SGCD: variants seen among roughly 807,000 people sequenced by gnomAD.
SGCD encodes the protein sarcoglycan delta.
Under a neutral mutation model 36.6 loss-of-function variants are expected in SGCD, and 18 were observed. That is an observed-to-expected ratio of 0.49 (90% CI 0.34 to 0.73). The LOEUF (loss-of-function observed/expected upper bound fraction) is 0.73. SGCD is among the 30% of genes least tolerant of loss of function. The pLI is 0.01. For synonymous variants in SGCD, 133 were observed against 130.6 expected (o/e 1.02, Z -0.12); for missense variants, 387 against 346.7 (o/e 1.12, Z -0.92).
chr5:156,589,276 A>G lies in SGCD; in HGVS notation c.340A>G (p.Ile114Val), dbSNP rs760206240. 3.8e-6 allele frequency: 6 copies of G among 1,575,400 alleles called. No individual in the cohort carries two copies. Among genetic ancestry groups the G allele is most frequent in the East Asian group, 2.3e-5 (1 of 43,806 alleles). ...FKSARNVTVNILNDQTKVLTQ... is the reference protein window; with the variant it reads ...FKSARNVTVNVLNDQTKVLTQ... ...GTCTGCCAGAAATGTTACAGTGAAC[A>G]TTCTCAATGACCAGACTAAAGTGCT... The change falls in exon 5 of 9, where the codon ATT (isoleucine) becomes GTT (valine). Residue 114 changes from isoleucine (I) to valine (V), a missense_variant. Ile to Val is a conservative substitution (Grantham distance 29). Transcript: ENST00000337851.
chr5:155,774,175 T>G, the SGCD span, among the ~76,000 whole-genome samples: 1 of 152,126 alleles, frequency 6.6e-6, no homozygotes. Flanking sequence ...AAATCTTGGG[T>G]CACTTCAGGA....
intron 1 of SGCD, among the ~76,000 whole-genome samples, chr5:155,967,713 G>A (rs1318781257): frequency 6.6e-6 from 1 of 151,952 alleles, no homozygotes; most frequent in Non-Finnish European, 1.5e-5. Context: ...TGTGGAAAAC[G>A]TTCAGTAATG....
At chr5:156,375,048 A>C (rs75722607) in intron 3 of SGCD, among the ~76,000 whole-genome samples, 5,257 of 152,186 alleles carry the variant, frequency 0.035, 238 homozygotes, top group African/African-American at 0.097. Context: ...AAGAGTAGTA[A>C]AAGAAACTTT....
chr5:156,572,369 T>C (rs76981507), intron 4 of SGCD, among the ~76,000 whole-genome samples: 1,706 of 152,320 alleles, frequency 0.011, 13 homozygotes, highest in Non-Finnish European at 0.018. Flanking sequence ...CCACCAGCAG[T>C]GTATGAGGGT....
chr5:156,032,094 G>A (rs963446447), intron 1 of SGCD, among the ~76,000 whole-genome samples: 13 of 151,686 alleles, frequency 8.6e-5, no homozygotes, highest in African/African-American at 1.9e-4. Flanking sequence ...ATATGAACAC[G>A]TGTATAGATC....
intron 7 of SGCD, among the ~76,000 whole-genome samples, chr5:156,679,390 A>G (rs1247485528): frequency 6.6e-6 from 1 of 152,214 alleles, no homozygotes; most frequent in African/African-American, 2.4e-5. Context: ...TTGGTAGAAC[A>G]AGACACTGCC....
chr5:155,889,255 A>G lies in SGCD; in HGVS notation c.-282+18831A>G, dbSNP rs149202669. On this transcript the variant is annotated intron_variant, in intron 1 of 9. Coordinates refer to the SGCD transcript ENST00000517913. The stretch of plus-strand genomic sequence containing the variant: ...ACGTAGAGGAAATTTAAGTAACCTC[A>G]TATGATAGATTTAAAAAAAATTCAA... Among the ~76,000 whole-genome samples, 558 of 152,272 alleles carry G rather than the reference A, an allele frequency of 3.7e-3. 1 individual carries two copies. The highest frequency in any genetic ancestry group is 9.1e-3 in the South Asian group (44 of 4,822).
At chr5:156,324,430 C>T (rs1429028745), upstream of SGCD, among the ~76,000 whole-genome samples, 1 of 151,876 alleles carries the variant, frequency 6.6e-6, no homozygotes, top group Non-Finnish European at 1.5e-5. Flanking sequence ...AAACAATTCC[C>T]GCATATGATA....
chr5:155,841,809 G>A, the SGCD span, among the ~76,000 whole-genome samples: 7 of 152,162 alleles, frequency 4.6e-5, no homozygotes, highest in Middle Eastern at 3.4e-3. Context: ...AAAGATTGAC[G>A]GGGGAGAAAA....
At chr5:155,810,686 A>G in the SGCD span, among the ~76,000 whole-genome samples, 392 of 151,738 alleles carry the variant, frequency 2.6e-3, 1 homozygote, top group African/African-American at 8.3e-3. Flanking sequence ...AAAAGTAGAT[A>G]TCTGAAAACT....
At position 156,147,102 on chromosome 5, in the gene SGCD, C is replaced by T. The variant is rs547889230; in HGVS notation, c.-44+23083C>T. Among the ~76,000 whole-genome samples the T allele has an allele frequency of 5.9e-5, 9 of 152,196 alleles. No homozygotes were observed. In the South Asian group the frequency reaches 6.2e-4, roughly 11 times the overall value. On this transcript the variant is annotated intron_variant, in intron 3 of 9. Transcript: ENST00000517913. ...GGTCAAAGAATGTTTAAAGGAACAACGTAATGTCCACCACAAAAGGCATTT... is the reference window on the plus strand; with the variant it reads ...GGTCAAAGAATGTTTAAAGGAACAATGTAATGTCCACCACAAAAGGCATTT...
At chr5:156,495,910 A>G (rs1012809545) in intron 3 of SGCD, among the ~76,000 whole-genome samples, 3 of 152,138 alleles carry the variant, frequency 2.0e-5, no homozygotes, top group Non-Finnish European at 4.4e-5. Context: ...GGTTGCTTAC[A>G]AGTTTCTGTT....
At chr5:156,273,450 T>C (rs1032199465) in intron 3 of SGCD, among the ~76,000 whole-genome samples, 2 of 152,180 alleles carry the variant, frequency 1.3e-5, no homozygotes, top group Non-Finnish European at 2.9e-5. Flanking sequence ...CATTGTCAGT[T>C]TGCTGCCACC....
chr5:156,377,243 G>A (rs1332558225), intron 3 of SGCD, among the ~76,000 whole-genome samples: 1 of 152,128 alleles, frequency 6.6e-6, no homozygotes, highest in East Asian at 1.9e-4. Context: ...CTTCTAGAAT[G>A]TGGTTTTAAA....
intron 3 of SGCD, among the ~76,000 whole-genome samples, chr5:156,502,612 A>G (rs1756508040): frequency 6.6e-6 from 1 of 152,190 alleles, no homozygotes; most frequent in Non-Finnish European, 1.5e-5. Flanking sequence ...TGTAATTACA[A>G]GCATGAACCA....
At chr5:156,607,360 G>A (rs1240809277) in intron 6 of SGCD, among the ~76,000 whole-genome samples, 8 of 152,264 alleles carry the variant, frequency 5.3e-5, no homozygotes, top group African/African-American at 1.9e-4. Context: ...ACTGGTTTGT[G>A]TATGTTGAAC....
At chr5:156,223,686 T>A (rs1322779268) in intron 3 of SGCD, among the ~76,000 whole-genome samples, 2 of 151,982 alleles carry the variant, frequency 1.3e-5, no homozygotes, top group Non-Finnish European at 2.9e-5. Context: ...GGGGCTGACA[T>A]TAGTGATGCC....
At chr5:155,905,667 G>A (rs530946241) in intron 1 of SGCD, among the ~76,000 whole-genome samples, 3 of 152,238 alleles carry the variant, frequency 2.0e-5, no homozygotes, top group South Asian at 2.1e-4. Flanking sequence ...CCCACATGTT[G>A]TGGGAGGGAC....
chr5:156,347,087 G>A (rs1369266348), intron 3 of SGCD, among the ~76,000 whole-genome samples: 6 of 152,236 alleles, frequency 3.9e-5, no homozygotes, highest in Non-Finnish European at 5.9e-5. Flanking sequence ...GTGAGCCACC[G>A]TGCCTGGCCT....
Sources: gnomAD v4.1 joint callset for allele counts (sites outside exome capture counted in the v4.1 genomes callset) on GRCh38, gnomAD v4.1.1 for gene constraint, MANE v1.5 for transcripts, NCBI Gene and HGNC (gene_info 2026-07-23, HGNC 2026-07-21) for gene names.